Variants in PRKAR1B observed in about 807,000 individuals in gnomAD.
PRKAR1B encodes the protein cAMP-dependent protein kinase type I-beta regulatory subunit.
Under a neutral mutation model 46.5 loss-of-function variants are expected in PRKAR1B, and 22 were observed. The observed-to-expected ratio is 0.47, with a 90% CI of 0.34 to 0.68. The LOEUF is 0.68. Among genes scored for constraint, PRKAR1B ranks in the 30% least tolerant of loss-of-function variants. The pLI is 0.01. For missense variants in PRKAR1B, 445 were observed against 535.6 expected (o/e 0.83, Z 1.67); for synonymous variants, 259 against 217.7 (o/e 1.19, Z -1.67).
intron 1 of PRKAR1B, among the ~76,000 whole-genome samples, chr7:721,978 G>A (rs1361781156): frequency 6.6e-6 from 1 of 152,026 alleles, no homozygotes; most frequent in African/African-American, 2.4e-5. Flanking sequence ...TAGTTTCCAG[G>A]AGTTTAATTG....
chr7:569,523 T>C (rs1432948040), intron 9 of PRKAR1B, among the ~76,000 whole-genome samples: 2 of 152,160 alleles, frequency 1.3e-5, no homozygotes, highest in African/African-American at 2.4e-5. Flanking sequence ...CCCAAGGCCC[T>C]GGGGGAGCTT....
chr7:650,155 G>A (rs1053993322), intron 4 of PRKAR1B, among the ~76,000 whole-genome samples: 2 of 152,232 alleles, frequency 1.3e-5, no homozygotes, highest in African/African-American at 2.4e-5. Context: ...TGGCCATGCC[G>A]TTGTGAGGTG....
intron 4 of PRKAR1B, among the ~76,000 whole-genome samples, chr7:612,774 T>G (rs1185153693): frequency 6.6e-6 from 1 of 152,150 alleles, no homozygotes; most frequent in Non-Finnish European, 1.5e-5. Flanking sequence ...GGGATGACTA[T>G]GAAAAGATGT....
At chr7:727,358 T>TCCCCCCCCCCCCCCCCCC, upstream of PRKAR1B, 1 of 1,056,090 alleles carries the variant, frequency 9.5e-7, no homozygotes, top group Non-Finnish European at 1.2e-6. Flanking sequence ...CCCCACACTC[T>TCCCCCCCCCCCCCCCCCC]CACCCCCACC....
At chr7:650,154 C>G (rs1412460545) in intron 4 of PRKAR1B, among the ~76,000 whole-genome samples, 1 of 152,054 alleles carries the variant, frequency 6.6e-6, no homozygotes, top group Admixed American at 6.6e-5. Context: ...CTGGCCATGC[C>G]GTTGTGAGGT....
rs887491167 is a variant in PRKAR1B, at chr7:550,088, T to A, written c.*342A>T. On this transcript the variant is annotated 3_prime_UTR_variant, in exon 11 of 11. Coordinates refer to ENST00000537384, the MANE Select transcript of PRKAR1B (RefSeq NM_001164760.2). Reference sequence around the variant, plus strand: ...CAGGGGCAACGTCCTGGCCTGGTTCTGGGGAGGACCGATCCTCAAGCATCT... The same window carrying A: ...CAGGGGCAACGTCCTGGCCTGGTTCAGGGGAGGACCGATCCTCAAGCATCT... 3 of 305,286 alleles carry A rather than the reference T, an allele frequency of 9.8e-6. No individual in the cohort carries two copies. In the Admixed American group the frequency reaches 1.4e-4, roughly 15 times the overall value. 18.9% of individuals were successfully genotyped at this position (305,286 alleles called of 1,614,324 possible).
At chr7:679,736 GA>G (rs1404527493) in intron 3 of PRKAR1B, among the ~76,000 whole-genome samples, 5 of 152,168 alleles carry the variant, frequency 3.3e-5, no homozygotes, top group African/African-American at 9.7e-5. Context: ...TGTCTCCCCA[GA>G]AATTCACATA....
At chr7:636,420 A>T (rs80124208) in intron 4 of PRKAR1B, among the ~76,000 whole-genome samples, 4,530 of 49,892 alleles carry the variant, frequency 0.091, 539 homozygotes, top group African/African-American at 0.14. Context: ...GGCCGCGCCC[A>T]CACGTCCTCC....
At chr7:655,479 G>A (rs1785143490) in intron 4 of PRKAR1B, among the ~76,000 whole-genome samples, 1 of 152,086 alleles carries the variant, frequency 6.6e-6, no homozygotes, top group Admixed American at 6.5e-5. Flanking sequence ...TCCCTTCTCA[G>A]CATGGCTTTT....
At chr7:620,653 T>G (rs375696714) in intron 4 of PRKAR1B, among the ~76,000 whole-genome samples, 6 of 152,236 alleles carry the variant, frequency 3.9e-5, no homozygotes, top group Non-Finnish European at 7.3e-5. Context: ...TTTTTGTAAG[T>G]TGAGCTTGCA....
chr7:660,065 C>CGCCTTGGGCTCTCCATCCCCTA (rs1415116974), intron 4 of PRKAR1B, among the ~76,000 whole-genome samples: 3 of 151,998 alleles, frequency 2.0e-5, no homozygotes, highest in Non-Finnish European at 4.4e-5. Flanking sequence ...GAGGTGCCGC[C>CGCCTTGGGCTCTCCATCCCCTA]GCCTTGGGCT....
chr7:726,676 G>C (rs1171629513), intron 1 of PRKAR1B: 2 of 1,213,360 alleles, frequency 1.6e-6, no homozygotes, highest in African/African-American at 3.1e-5. Flanking sequence ...TGCGCTGAGA[G>C]TCGCGAAAGC....
chr7:635,301 G>A (rs1476990635), intron 4 of PRKAR1B, among the ~76,000 whole-genome samples: 1 of 152,224 alleles, frequency 6.6e-6, no homozygotes, highest in Non-Finnish European at 1.5e-5. Context: ...CCACATCTCA[G>A]GACCAGACTG....
intron 2 of PRKAR1B, among the ~76,000 whole-genome samples, chr7:702,680 G>A (rs570311642): frequency 1.7e-4 from 26 of 152,232 alleles, no homozygotes; most frequent in East Asian, 5.8e-4. Flanking sequence ...AAAATTTGCC[G>A]GGTGTGGTGG....
intron 6 of PRKAR1B, among the ~76,000 whole-genome samples, chr7:599,228 C>T (rs1401761238): frequency 2.0e-5 from 3 of 152,158 alleles, no homozygotes; most frequent in Non-Finnish European, 2.9e-5. Context: ...CCACTCCCGG[C>T]GCAGTGCGGG....
Position 624,367 on chromosome 7 carries a change from G to A in PRKAR1B, c.441-16915C>T, listed in dbSNP as rs140891924. Among the ~76,000 whole-genome samples, 1,029 of 152,190 alleles carry A rather than the reference G, an allele frequency of 6.8e-3. 11 individuals are homozygous for A. The highest frequency in any genetic ancestry group is 0.024 in the African/African-American group (981 of 41,504). ...AGAATCGCTTGAATCCAGAAGGTGG[G>A]GGTTGCATTGAGTGAGATCGTGCCA... On this transcript the variant is annotated intron_variant, in intron 4 of 10. Coordinates refer to ENST00000537384, the MANE Select transcript of PRKAR1B (RefSeq NM_001164760.2).
intron 6 of PRKAR1B, among the ~76,000 whole-genome samples, chr7:600,202 C>CT (rs753668652): frequency 6.6e-6 from 1 of 152,216 alleles, no homozygotes; most frequent in Non-Finnish European, 1.5e-5. Context: ...TGTGGTGTGT[C>CT]TTTTACTACA....
rs1302340900 is a variant in PRKAR1B, at chr7:583,702, A to G, written c.769+806T>C. Among the ~76,000 whole-genome samples, 3 of 148,330 alleles carry G rather than the reference A, an allele frequency of 2.0e-5. No homozygotes were observed. In the South Asian group the frequency reaches 6.3e-4, roughly 31 times the overall value. On this transcript the variant is annotated intron_variant, in intron 8 of 10. Coordinates refer to ENST00000537384, the MANE Select transcript of PRKAR1B (RefSeq NM_001164760.2). The stretch of plus-strand genomic sequence containing the variant: ...ACCCACACGGTGCACTCACACCCTC[A>G]CACACGTGCAATTCACACGCATTCT...
chr7:558,740 G>A (rs865900623), intron 9 of PRKAR1B, among the ~76,000 whole-genome samples: 2 of 151,878 alleles, frequency 1.3e-5, no homozygotes, highest in African/African-American at 4.8e-5. Context: ...CAACAAGAGC[G>A]AAAGTCCATC....
Sources: gnomAD v4.1 joint callset for allele counts (sites outside exome capture counted in the v4.1 genomes callset) on GRCh38, gnomAD v4.1.1 for gene constraint, MANE v1.5 for transcripts, NCBI Gene and HGNC (gene_info 2026-07-23, HGNC 2026-07-21) for gene names.